SERPINB8: variants seen among roughly 807,000 people sequenced by gnomAD.
SERPINB8 encodes the protein serpin family B member 8, also known as serpin B8.
Under a neutral mutation model 35.3 loss-of-function variants are expected in SERPINB8, and 25 were observed. The observed-to-expected ratio is 0.71, with a 90% CI of 0.52 to 0.99. SERPINB8 has a LOEUF of 0.99. Among genes scored for constraint, SERPINB8 ranks in the 50% least tolerant of loss-of-function variants. SERPINB8 has a pLI of 0.00. For missense variants in SERPINB8, 484 were observed against 446.5 expected (o/e 1.08, Z -0.76); for synonymous variants, 186 against 160.8 (o/e 1.16, Z -1.19).
At chr18:64,009,818 T>A (rs986911614), downstream of SERPINB8, among the ~76,000 whole-genome samples, 3 of 152,122 alleles carry the variant, frequency 2.0e-5, no homozygotes, top group Admixed American at 6.6e-5. Context: ...AGTTAACTGT[T>A]GAAAAAATTA....
chr18:64,002,654 G>C (rs1477254567), intron 1 of SERPINB8, among the ~76,000 whole-genome samples: 1 of 152,010 alleles, frequency 6.6e-6, no homozygotes, highest in East Asian at 1.9e-4. Context: ...CCTCGCGTGC[G>C]GTCACCTGCT....
chr18:63,999,524 A>C (rs777406083), intron 1 of SERPINB8, among the ~76,000 whole-genome samples: 2 of 151,792 alleles, frequency 1.3e-5, no homozygotes, highest in Admixed American at 6.6e-5. Context: ...CCTCTCCTCC[A>C]CTTGTCCCCT....
chr18:63,976,305 G>A (rs1568269190), intron 1 of SERPINB8, among the ~76,000 whole-genome samples: 1 of 152,138 alleles, frequency 6.6e-6, no homozygotes, highest in African/African-American at 2.4e-5. Context: ...AATAGCCCAC[G>A]TTTTTATAGG....
In SERPINB8 at chr18:63,995,421, G is replaced by A. The variant is rs74859991; in HGVS notation, c.71-9398G>A. 1.7e-4 allele frequency among the ~76,000 whole-genome samples: 26 copies of A among 152,328 alleles called. 1 individual carries two copies. Among genetic ancestry groups the A allele is most frequent in the Admixed American group, 2.0e-4 (3 of 15,310 alleles). On this transcript the variant is annotated intron_variant, in intron 1 of 1. Transcript: ENST00000493661. ...CACAATCCCTGGCACCAGGATGAGGGGGAAACAGATAATGTTCTCTGGTTT... is the reference window on the plus strand; with the variant it reads ...CACAATCCCTGGCACCAGGATGAGGAGGAAACAGATAATGTTCTCTGGTTT...
At chr18:64,002,986 G>C (rs1280550082) in intron 1 of SERPINB8, among the ~76,000 whole-genome samples, 1 of 152,224 alleles carries the variant, frequency 6.6e-6, no homozygotes, top group Non-Finnish European at 1.5e-5. Context: ...TCAGCCACCA[G>C]TGCCCGGGAG....
At chr18:64,002,698 G>A (rs2050881329) in intron 1 of SERPINB8, among the ~76,000 whole-genome samples, 2 of 152,132 alleles carry the variant, frequency 1.3e-5, no homozygotes, top group South Asian at 4.1e-4. Context: ...TGGAGAAGCC[G>A]GGGAGGGCGG....
At chr18:63,974,074 G>C (rs2050539987) in intron 1 of SERPINB8, among the ~76,000 whole-genome samples, 1 of 152,170 alleles carries the variant, frequency 6.6e-6, no homozygotes, top group Non-Finnish European at 1.5e-5. Flanking sequence ...AAATTACCTT[G>C]GCCTGCCCAG....
intron 1 of SERPINB8, among the ~76,000 whole-genome samples, chr18:63,972,825 T>A (rs981933579): frequency 2.0e-4 from 30 of 152,202 alleles, no homozygotes; most frequent in East Asian, 9.7e-4. Context: ...GAACTCATCG[T>A]TTTTTTATGG....
chr18:63,973,514 C>T (rs893476646), intron 1 of SERPINB8, among the ~76,000 whole-genome samples: 1 of 152,028 alleles, frequency 6.6e-6, no homozygotes, highest in Non-Finnish European at 1.5e-5. Context: ...CATTTGTCTA[C>T]TTTGGCTTTT....
At chr18:64,014,017 GA>G (rs1211095407) in intron 7 of SERPINB8, among the ~76,000 whole-genome samples, 3 of 152,140 alleles carry the variant, frequency 2.0e-5, no homozygotes, top group Admixed American at 6.5e-5. Context: ...GTTCAGGAGA[GA>G]AACACTTAAA....
chr18:64,015,836 T>G (rs1259237700), intron 7 of SERPINB8, among the ~76,000 whole-genome samples: 1 of 152,226 alleles, frequency 6.6e-6, no homozygotes, highest in Non-Finnish European at 1.5e-5. Context: ...TCTCCAGGGC[T>G]GCTGCTTGTG....
intron 1 of SERPINB8, among the ~76,000 whole-genome samples, chr18:64,000,608 C>T (rs1426076734): frequency 6.6e-6 from 1 of 152,326 alleles, no homozygotes; most frequent in South Asian, 2.1e-4. Flanking sequence ...GCATTTCTAG[C>T]TCTGGCCCCT....
intron 7 of SERPINB8, among the ~76,000 whole-genome samples, chr18:64,015,645 A>G (rs940445759): frequency 6.6e-6 from 1 of 152,228 alleles, no homozygotes; most frequent in Non-Finnish European, 1.5e-5. Flanking sequence ...CTTTGATGAT[A>G]GTTTCCAGTG....
intron 3 of SERPINB8, among the ~76,000 whole-genome samples, chr18:63,981,494 A>G (rs1396638843): frequency 2.0e-5 from 3 of 152,190 alleles, no homozygotes; most frequent in Non-Finnish European, 2.9e-5. Context: ...TGGGTGTCTC[A>G]GCTGCCTCTT....
downstream of SERPINB8, among the ~76,000 whole-genome samples, chr18:64,007,308 C>T (rs2050904565): frequency 6.6e-6 from 1 of 151,998 alleles, no homozygotes; most frequent in African/African-American, 2.4e-5. Flanking sequence ...AGCCTATAAA[C>T]ATTTAAAAAA....
At chr18:63,999,109 C>T (rs1037545968) in intron 1 of SERPINB8, among the ~76,000 whole-genome samples, 3 of 152,122 alleles carry the variant, frequency 2.0e-5, no homozygotes, top group Non-Finnish European at 4.4e-5. Flanking sequence ...AACTCAGATA[C>T]GGGGCAAGAA....
At chr18:63,970,485 G>A (rs2050450977) in intron 1 of SERPINB8, 1 of 152,718 alleles carries the variant, frequency 6.5e-6, no homozygotes, top group Non-Finnish European at 1.5e-5. Context: ...GCTGCCCCTG[G>A]AGAGGGAGCG....
At chr18:63,986,331 G>C in intron 6 of SERPINB8, 6 of 1,602,958 alleles carry the variant, frequency 3.7e-6, no homozygotes, top group Non-Finnish European at 4.3e-6. Flanking sequence ...TGCTGATGAA[G>C]TCTTCTTGCA....
At chr18:63,984,176 T>G (rs1282673254) in intron 5 of SERPINB8, among the ~76,000 whole-genome samples, 3 of 152,252 alleles carry the variant, frequency 2.0e-5, no homozygotes, top group Non-Finnish European at 2.9e-5. Flanking sequence ...ATGCCTCCTG[T>G]GTATCTTTAA....
Sources: allele counts gnomAD v4.1 joint callset (sites outside exome capture counted in the v4.1 genomes callset), GRCh38; gene constraint gnomAD v4.1.1; transcripts MANE v1.5; gene names NCBI Gene and HGNC (gene_info 2026-07-23, HGNC 2026-07-21).